RANBP3L: variants seen among roughly 807,000 people sequenced by gnomAD.
The protein encoded by RANBP3L is ran-binding protein 3-like.
A neutral mutation model predicts 67.2 loss-of-function variants in RANBP3L; 56 were observed. The observed-to-expected ratio is 0.83, with a 90% CI of 0.67 to 1.04. The LOEUF (loss-of-function observed/expected upper bound fraction) is 1.04. Among genes scored for constraint, RANBP3L ranks in the 50% least tolerant of loss-of-function variants. The pLI, the probability that RANBP3L is intolerant of heterozygous loss-of-function variation, is 0.00. For synonymous variants in RANBP3L, 164 were observed against 181.4 expected, an observed-to-expected ratio of 0.90 and a Z score of 0.77; for missense variants, 496 against 535.5, an observed-to-expected ratio of 0.93 and a Z score of 0.73.
chr5:36,262,292 C>T (rs528451022), intron 6 of RANBP3L, among the ~76,000 whole-genome samples: 2 of 152,110 alleles, frequency 1.3e-5, no homozygotes, highest in East Asian at 1.9e-4. Context: ...CATACAGTGG[C>T]GATCTGTCTA....
At chr5:36,269,208 A>G (rs1750033062) in intron 4 of RANBP3L, among the ~76,000 whole-genome samples, 182 bp downstream of exon 4, 1 of 152,198 alleles carries the variant, frequency 6.6e-6, no homozygotes, top group Non-Finnish European at 1.5e-5. Flanking sequence ...ATGCTGATAA[A>G]TGGAATGTTT....
intron 8 of RANBP3L, among the ~76,000 whole-genome samples, chr5:36,258,710 C>T (rs1185415124): frequency 1.3e-5 from 2 of 152,176 alleles, no homozygotes; most frequent in African/African-American, 4.8e-5. Context: ...AAACAAAACC[C>T]GTAGTCCTGA....
At chr5:36,293,386 C>G (rs1197912767) in intron 1 of RANBP3L, among the ~76,000 whole-genome samples, 6 of 139,722 alleles carry the variant, frequency 4.3e-5, no homozygotes, top group East Asian at 2.0e-4. Context: ...AATTGAATAC[C>G]CTTTATTTCC....
chr5:36,278,152 G>A (rs1750729344), intron 1 of RANBP3L, among the ~76,000 whole-genome samples: 1 of 152,000 alleles, frequency 6.6e-6, no homozygotes, highest in Non-Finnish European at 1.5e-5. Flanking sequence ...GTTAGCTCTG[G>A]GGGAAGTGCC....
intron 1 of RANBP3L, among the ~76,000 whole-genome samples, chr5:36,277,352 T>C (rs1278997386): frequency 6.6e-6 from 1 of 151,222 alleles, no homozygotes; most frequent in African/African-American, 2.4e-5. Flanking sequence ...AGTTAGATGG[T>C]CCTAGAGCTG....
At chr5:36,279,715 C>G (rs1750841599) in intron 1 of RANBP3L, among the ~76,000 whole-genome samples, 1 of 152,116 alleles carries the variant, frequency 6.6e-6, no homozygotes, top group Non-Finnish European at 1.5e-5. Flanking sequence ...ACACTTATCC[C>G]TTTTGATCTA....
chr5:36,294,945 C>T (rs973905528), intron 1 of RANBP3L, among the ~76,000 whole-genome samples: 1 of 148,280 alleles, frequency 6.7e-6, no homozygotes, highest in African/African-American at 2.5e-5. Flanking sequence ...TACATATGTA[C>T]ACTACATATT....
intron 1 of RANBP3L, among the ~76,000 whole-genome samples, chr5:36,275,431 T>A (rs962618970): frequency 7.2e-5 from 11 of 152,194 alleles, no homozygotes; most frequent in African/African-American, 2.4e-4. Context: ...TGTATTATCC[T>A]ATATGGCTCT....
At chr5:36,264,435 T>C (rs1749610513) in intron 6 of RANBP3L, among the ~76,000 whole-genome samples, 1 of 152,164 alleles carries the variant, frequency 6.6e-6, no homozygotes, top group Admixed American at 6.5e-5. Context: ...CAAAGAGTGA[T>C]TCAGACACTA....
At position 36,271,258 on chromosome 5, in the gene RANBP3L, A is replaced by C; in HGVS notation, c.145T>G (p.Phe49Val). The change falls in exon 2 of 14, where the codon TTT becomes GTT. Residue 49 changes from phenylalanine (F) to valine (V), a missense_variant. Physicochemically the swap from Phe to Val is conservative, Grantham distance 50. Transcript: ENST00000296604. ...IFVFEKGEQT[F>V]KRPAEDTLYE... Reference sequence around the variant, plus strand: ...AAAGAAGTAGTCAATCTTACCTTAAAAGTTTGTTCTCCCTTTTCAAAAACA... The same window carrying C: ...AAAGAAGTAGTCAATCTTACCTTAACAGTTTGTTCTCCCTTTTCAAAAACA... 1 of 1,544,296 alleles carries C rather than the reference A, an allele frequency of 6.5e-7. No individual in the cohort carries two copies. Among genetic ancestry groups the C allele is most frequent in the Non-Finnish European group, 8.9e-7 (1 of 1,118,078 alleles).
intron 1 of RANBP3L, among the ~76,000 whole-genome samples, chr5:36,281,258 G>T (rs1750951207): frequency 6.6e-6 from 1 of 152,096 alleles, no homozygotes; most frequent in Non-Finnish European, 1.5e-5. Context: ...ATTCAGCAAG[G>T]TCATGTATGT....
intron 3 of RANBP3L, 59 bp from the exon 4 acceptor site, chr5:36,269,526 C>T: frequency 1.0e-6 from 1 of 984,092 alleles, no homozygotes; most frequent in Non-Finnish European, 1.6e-6. Context: ...ATCCTCAACT[C>T]ATGATAGGGT....
rs1748722959 is a variant in RANBP3L at position 36,253,236 on chromosome 5, T to G, written c.1167+411A>C. 2.0e-5 allele frequency among the ~76,000 whole-genome samples: 3 copies of G among 152,184 alleles called. No homozygotes were observed. In the South Asian group the frequency reaches 6.2e-4, roughly 32 times the overall value. ...ACTTGCTAGCTCTGTGTTTTTCCAT[T>G]TCCCACTGGTTCTTTTCCAGTGACC... On this transcript the variant is annotated intron_variant, in intron 12 of 13. Transcript: ENST00000296604.
At chr5:36,281,801 C>A (rs1233917904) in intron 1 of RANBP3L, among the ~76,000 whole-genome samples, 2 of 152,190 alleles carry the variant, frequency 1.3e-5, no homozygotes, top group East Asian at 1.9e-4. Context: ...GTAAATATTT[C>A]TTTTCAGACA....
At chr5:36,268,337 G>C (rs569403043) in intron 4 of RANBP3L, 2 of 1,125,732 alleles carry the variant, frequency 1.8e-6, no homozygotes, top group Non-Finnish European at 2.5e-6. Context: ...TTGGAGTTTT[G>C]CTGTTTTGGA....
rs576717713 is a variant in RANBP3L at position 36,247,477 on chromosome 5, C to T, written c.*2177G>A. Among the ~76,000 whole-genome samples, 15 of 152,206 alleles carry T rather than the reference C, an allele frequency of 9.9e-5. No individual in the cohort carries two copies. The East Asian group carries it at 1.7e-3, about 18-fold the overall frequency. ...AGTTAATTTTTTCCATTGATATATG[C>T]GGAGAAATCTAAAGAAAATCATAGA... On this transcript the variant is annotated 3_prime_UTR_variant, in exon 14 of 14. Coordinates refer to ENST00000296604, the MANE Select transcript of RANBP3L (RefSeq NM_145000.5).
intron 4 of RANBP3L, among the ~76,000 whole-genome samples, chr5:36,267,948 ACT>A: frequency 6.6e-6 from 1 of 152,324 alleles, no homozygotes; most frequent in Middle Eastern, 3.4e-3. Flanking sequence ...ATAAAATAAT[ACT>A]GTTATAAATG....
chr5:36,269,359 G>A (rs1421027244), intron 4 of RANBP3L, 31 bp downstream of exon 4: 1 of 1,242,688 alleles, frequency 8.0e-7, no homozygotes, highest in Admixed American at 1.8e-5. Context: ...AAACATAACA[G>A]TGAATAGTCA....
chr5:36,297,467 G>T (rs1468889090), intron 1 of RANBP3L, among the ~76,000 whole-genome samples: 1 of 150,216 alleles, frequency 6.7e-6, no homozygotes, highest in African/African-American at 2.4e-5. Context: ...ACATCCTATT[G>T]GTTCTGTTTC....
Sources: allele counts gnomAD v4.1 joint callset (sites outside exome capture counted in the v4.1 genomes callset), GRCh38; gene constraint gnomAD v4.1.1; transcripts MANE v1.5; gene names NCBI Gene and HGNC (gene_info 2026-07-23, HGNC 2026-07-21).